Variants in LLGL2 observed in about 807,000 individuals in gnomAD.
LLGL2 encodes the protein LLGL2, scribble cell polarity complex component.
Under a neutral mutation model 123.2 loss-of-function variants are expected in LLGL2, and 81 were observed. The observed-to-expected ratio is 0.66, with a 90% CI of 0.55 to 0.79. The LOEUF is 0.79. Ranked by LOEUF, LLGL2 falls within the 30% of genes least tolerant of loss-of-function variation. The pLI is 0.00. For synonymous variants in LLGL2, 577 were observed against 594.1 expected (o/e 0.97, Z 0.42); for missense variants, 1,273 against 1,414.6 (o/e 0.90, Z 1.61).
intron 21 of LLGL2, 140 bp from the exon 22 acceptor site, chr17:75,573,812 C>T: frequency 8.1e-7 from 1 of 1,234,430 alleles, no homozygotes; most frequent in East Asian, 2.5e-5. Context: ...GCTGGCAGTC[C>T]AGGGCAGGAC....
chr17:75,563,291 C>T, intron 7 of LLGL2, 40 bp from the exon 8 acceptor site: 2 of 1,606,554 alleles, frequency 1.2e-6, no homozygotes, highest in Non-Finnish European at 1.7e-6. Flanking sequence ...CCGCCTCGGT[C>T]CAGCGTGCTG....
chr17:75,532,055 T>TACACACACACAC (rs10526094), intron 1 of LLGL2, among the ~76,000 whole-genome samples: 1,640 of 93,680 alleles, frequency 0.018, 44 homozygotes, highest in African/African-American at 0.046. Flanking sequence ...TATGTATATA[T>TACACACACACAC]ACACACACAC....
At chr17:75,532,257 T>C (rs2053826256) in intron 1 of LLGL2, among the ~76,000 whole-genome samples, 1 of 151,538 alleles carries the variant, frequency 6.6e-6, no homozygotes, top group South Asian at 2.1e-4. Flanking sequence ...CAGCTAATTT[T>C]TTGTTTGTTT....
rs1429059206 is a variant in LLGL2 at position 75,575,082 on chromosome 17, G to T, written c.*204G>T. On this transcript the variant is annotated 3_prime_UTR_variant, in exon 26 of 26. Coordinates refer to ENST00000392550, the MANE Select transcript of LLGL2 (RefSeq NM_001031803.2). Reference sequence around the variant, plus strand: ...GCCCTTCCCGGGCCTCGTCTGTCTGGGTCCTTTGGTCAATGTTGCACAGTT... The same window carrying T: ...GCCCTTCCCGGGCCTCGTCTGTCTGTGTCCTTTGGTCAATGTTGCACAGTT... 5 of 657,098 alleles carry T rather than the reference G, an allele frequency of 7.6e-6. No individual in the cohort carries two copies. The highest frequency in any genetic ancestry group is 1.4e-5 in the Non-Finnish European group (5 of 370,226). 40.7% of individuals were successfully genotyped at this position (657,098 alleles called of 1,614,324 possible).
intron 1 of LLGL2, among the ~76,000 whole-genome samples, chr17:75,540,692 T>A (rs538303641): frequency 6.6e-6 from 1 of 152,360 alleles, no homozygotes; most frequent in African/African-American, 2.4e-5. Flanking sequence ...CCCTTCTGAC[T>A]TGGGGTCCAG....
intron 2 of LLGL2, among the ~76,000 whole-genome samples, chr17:75,553,107 A>C (rs186440983): frequency 3.7e-4 from 56 of 151,260 alleles, no homozygotes; most frequent in African/African-American, 1.3e-3. Context: ...CCCACTGTCT[A>C]CTCCCCTTTT....
rs891233878 is a variant in LLGL2 at position 75,575,011 on chromosome 17, A to G, written c.*133A>G. The G allele has an allele frequency of 1.5e-6, 2 of 1,300,026 alleles. No homozygotes were observed. Among genetic ancestry groups the G allele is most frequent in the Admixed American group, 1.7e-5 (1 of 59,382 alleles). 80.5% of individuals were successfully genotyped at this position (1,300,026 alleles called of 1,614,324 possible). On this transcript the variant is annotated 3_prime_UTR_variant, in exon 26 of 26. Transcript: ENST00000392550. ...GGGGGCATCCCGGCTTCCACAATGC[A>G]GCTGCTCTGGGCCTCGGGAGAGGAG...
Position 75,558,730 on chromosome 17 carries a change from C to A in LLGL2, c.371+103C>A, listed in dbSNP as rs140238776. 4.6e-4 allele frequency: 411 copies of A among 887,888 alleles called. 5 individuals are homozygous for A. The highest frequency in any genetic ancestry group is 1.9e-3 in the South Asian group (122 of 65,624). The allele number at this position is 887,888 out of a possible 1,614,324, so 55.0% of individuals were successfully genotyped here. On this transcript the variant is annotated intron_variant, in intron 5 of 25. Transcript: ENST00000392550. This position sits in a 1 kb window ranked among gnomAD's most constrained non-coding sequence, Gnocchi z 4.0. ...TTTGTGAGGCCTGTTGCGCCCCTGG[C>A]AGTGACTGGCATGCGTTTGGCCCGA...
At chr17:75,539,422 T>G (rs1450591693) in intron 1 of LLGL2, among the ~76,000 whole-genome samples, 1 of 151,220 alleles carries the variant, frequency 6.6e-6, no homozygotes, top group African/African-American at 2.4e-5. Context: ...CCTTTTTTTT[T>G]TAGAGACAGG....
chr17:75,569,237 C>T lies in LLGL2; in HGVS notation c.1493C>T (p.Pro498Leu), dbSNP rs753776359. 4 of 1,613,530 alleles carry T rather than the reference C, an allele frequency of 2.5e-6. No homozygotes were observed. The highest frequency in any genetic ancestry group is 3.4e-6 in the Non-Finnish European group (4 of 1,180,018). Residue 498 changes from proline (P) to leucine (L), a missense_variant, in exon 14 of 26, where the codon CCC becomes CTC. Physicochemically the swap from Pro to Leu is moderately conservative, Grantham distance 98 (BLOSUM62 -3). Transcript: ENST00000392550. ...CTTCTCCAGGTGGGCTCCTTTGACC[C>T]CTACAGTGATGACCCCCGGCTGGGC... is the stretch of plus-strand genomic sequence containing the variant. The part of the protein sequence containing the change: ...PPLRKVGSFD[P>L]YSDDPRLGIQ...
At chr17:75,555,060 C>T (rs2054844166) in intron 2 of LLGL2, among the ~76,000 whole-genome samples, 1 of 150,354 alleles carries the variant, frequency 6.7e-6, no homozygotes, top group South Asian at 2.1e-4. Flanking sequence ...ACCTGTAGTA[C>T]CAGCTACTCG....
At chr17:75,565,298 T>A (rs2055397063) in intron 10 of LLGL2, among the ~76,000 whole-genome samples, 1 of 152,198 alleles carries the variant, frequency 6.6e-6, no homozygotes, top group Non-Finnish European at 1.5e-5. Context: ...AGAGGAGCCC[T>A]GCAGGAGCTC....
chr17:75,567,950 G>GA (rs141562656), intron 10 of LLGL2: 25,725 of 481,262 alleles, frequency 0.053, 152 homozygotes, highest in Admixed American at 0.13. Flanking sequence ...CTCGAGAAAA[G>GA]AAAAAAAAAA....
At chr17:75,571,222 G>A (rs751639897) in intron 17 of LLGL2, 122 bp downstream of exon 17, 7 of 941,814 alleles carry the variant, frequency 7.4e-6, no homozygotes, top group Non-Finnish European at 1.1e-5. Flanking sequence ...TTCCCCTTGT[G>A]AGCAGGGGCA....
intron 6 of LLGL2, among the ~76,000 whole-genome samples, chr17:75,561,775 AG>A (rs2055229462): frequency 1.3e-5 from 2 of 152,090 alleles, no homozygotes; most frequent in South Asian, 4.1e-4. Context: ...ATAAAAAATT[AG>A]CCTGGCATGG....
At chr17:75,565,765 C>T (rs980117775) in intron 10 of LLGL2, among the ~76,000 whole-genome samples, 2 of 152,158 alleles carry the variant, frequency 1.3e-5, no homozygotes, top group African/African-American at 2.4e-5. Flanking sequence ...GCCTGATGAG[C>T]GGTGCTTCCC....
chr17:75,572,159 G>A (rs1297388080), intron 19 of LLGL2, 95 bp downstream of exon 19: 8 of 1,250,990 alleles, frequency 6.4e-6, no homozygotes, highest in South Asian at 1.3e-5. Context: ...ACTCAGTCTT[G>A]TTTGCAGTTG....
chr17:75,533,317 T>C (rs1329800708), intron 1 of LLGL2, among the ~76,000 whole-genome samples: 5 of 130,722 alleles, frequency 3.8e-5, no homozygotes, highest in African/African-American at 1.5e-4. Flanking sequence ...TTTTTTTTTT[T>C]TTTTTGAGAT....
intron 1 of LLGL2, among the ~76,000 whole-genome samples, chr17:75,530,393 G>A (rs151205527): frequency 6.6e-6 from 1 of 152,092 alleles, no homozygotes; most frequent in African/African-American, 2.4e-5. Flanking sequence ...TCTCACGCCT[G>A]TAATTCCAGC....
Sources: allele counts gnomAD v4.1 joint callset (sites outside exome capture counted in the v4.1 genomes callset), GRCh38; gene constraint gnomAD v4.1.1; non-coding constraint Gnocchi (gnomAD v3.1); transcripts MANE v1.5; gene names NCBI Gene and HGNC (gene_info 2026-07-23, HGNC 2026-07-21).